Variants in SLC7A14 observed in about 807,000 individuals in gnomAD.
The protein encoded by SLC7A14 is gamma-aminobutyric acid transporter SLC7A14.
Under a neutral mutation model 60.2 loss-of-function variants are expected in SLC7A14, and 37 were observed. The ratio of observed to expected loss-of-function variants is 0.61; its 90% CI spans 0.47 to 0.81. SLC7A14 has a LOEUF of 0.81. SLC7A14 is among the 30% of genes least tolerant of loss of function. The pLI is 0.00. For synonymous variants in SLC7A14, 399 were observed against 395.8 expected, an observed-to-expected ratio of 1.01 and a Z score of -0.10; for missense variants, 886 against 982.7, an observed-to-expected ratio of 0.90 and a Z score of 1.32.
chr3:170,557,946 A>G (rs1485701647), intron 1 of SLC7A14, among the ~76,000 whole-genome samples: 1 of 152,212 alleles, frequency 6.6e-6, no homozygotes, highest in Admixed American at 6.5e-5. Context: ...AGGAGTTACT[A>G]TATTTAGGCT....
chr3:170,543,069 G>A (rs1714068211), intron 1 of SLC7A14, among the ~76,000 whole-genome samples: 1 of 152,112 alleles, frequency 6.6e-6, no homozygotes, highest in Non-Finnish European at 1.5e-5. Flanking sequence ...AGGGCTAGAT[G>A]GTTTATAAAC....
chr3:170,551,871 T>C (rs1714362989), intron 1 of SLC7A14, among the ~76,000 whole-genome samples: 1 of 152,226 alleles, frequency 6.6e-6, no homozygotes, highest in South Asian at 2.1e-4. Context: ...TCTTTTCACT[T>C]TCTTAAAGGT....
intron 1 of SLC7A14, among the ~76,000 whole-genome samples, chr3:170,557,489 A>C (rs984252859): frequency 2.0e-5 from 3 of 152,202 alleles, no homozygotes; most frequent in African/African-American, 7.2e-5. Context: ...TCCTGCCCTC[A>C]GGGATCTCAT....
At chr3:170,493,806 C>T (rs765655921) in intron 4 of SLC7A14, among the ~76,000 whole-genome samples, 5 of 152,218 alleles carry the variant, frequency 3.3e-5, no homozygotes, top group African/African-American at 7.2e-5. Context: ...AAATGTACTA[C>T]GTAGAAATCC....
At chr3:170,509,275 G>A (rs973997758) in intron 2 of SLC7A14, among the ~76,000 whole-genome samples, 1 of 152,156 alleles carries the variant, frequency 6.6e-6, no homozygotes, top group African/African-American at 2.4e-5. Flanking sequence ...GGCGCCAGGT[G>A]GACAGTAACC....
rs754609331 is a variant in SLC7A14 at position 170,480,534 on chromosome 3, A to G, written c.1748T>C (p.Ile583Thr). 5.0e-6 allele frequency: 8 copies of G among 1,614,116 alleles called. No individual in the cohort carries two copies. The highest frequency in any genetic ancestry group is 2.5e-6 in the Non-Finnish European group (3 of 1,180,044). Residue 583 changes from isoleucine to threonine, a missense_variant, in exon 7 of 8, where the codon ATC becomes ACC. Physicochemically the swap from Ile to Thr is moderately conservative, Grantham distance 89. Coordinates refer to ENST00000231706, the MANE Select transcript of SLC7A14 (RefSeq NM_020949.3). ...TGAGATGTAGTCAGAACCAAAGATGATGAAGGAGCAGAAGATGAACATGAG... is the reference window on the plus strand; with the variant it reads ...TGAGATGTAGTCAGAACCAAAGATGGTGAAGGAGCAGAAGATGAACATGAG... ...FILMFIFCSF[I>T]IFGSDYISEQ...
chr3:170,497,510 C>T (rs2078617), intron 4 of SLC7A14, among the ~76,000 whole-genome samples: 56,992 of 152,016 alleles, frequency 0.37, 12,521 homozygotes, highest in African/African-American at 0.63. Flanking sequence ...GAAAAACCAG[C>T]CTAAGCAAAA....
At chr3:170,553,795 A>G (rs1040609797) in intron 1 of SLC7A14, among the ~76,000 whole-genome samples, 49 of 152,204 alleles carry the variant, frequency 3.2e-4, no homozygotes, top group African/African-American at 1.2e-3. Context: ...AGAGTCAACC[A>G]TAAACACAAA....
chr3:170,558,797 A>T (rs1219479651), intron 1 of SLC7A14, among the ~76,000 whole-genome samples: 2 of 152,022 alleles, frequency 1.3e-5, no homozygotes, highest in Non-Finnish European at 2.9e-5. Flanking sequence ...CAATGACTGG[A>T]CTCTTTTGCT....
At chr3:170,533,359 T>G (rs906759331) in intron 1 of SLC7A14, among the ~76,000 whole-genome samples, 15 of 152,182 alleles carry the variant, frequency 9.9e-5, no homozygotes, top group African/African-American at 3.4e-4. Flanking sequence ...TCCCAGTAAC[T>G]CTCTTCTGTT....
chr3:170,475,536 T>C (rs1711584135), intron 7 of SLC7A14, among the ~76,000 whole-genome samples: 2 of 152,204 alleles, frequency 1.3e-5, no homozygotes, highest in African/African-American at 4.8e-5. Context: ...ATATTTTATA[T>C]ATGCAAAAAA....
chr3:170,563,660 A>C (rs1176191194), intron 1 of SLC7A14, among the ~76,000 whole-genome samples: 1 of 152,048 alleles, frequency 6.6e-6, no homozygotes, highest in Admixed American at 6.6e-5. Context: ...ACCTCAGGTG[A>C]TCCACCCACC....
chr3:170,532,647 C>A lies in SLC7A14; in HGVS notation c.-152-5559G>T, dbSNP rs1307211670. ...GCTGTGGGAGCGTTAGCTAGCATCA[C>A]CCTGCTGTGGCCCCTGACCAGGTGT... is the stretch of plus-strand genomic sequence containing the variant. On this transcript the variant is annotated intron_variant, in intron 1 of 7. Coordinates refer to ENST00000231706, the MANE Select transcript of SLC7A14 (RefSeq NM_020949.3). This position sits in a 1 kb window ranked among gnomAD's most constrained non-coding sequence, Gnocchi z 4.0. 6.6e-6 allele frequency among the ~76,000 whole-genome samples: 1 copy of A among 151,930 alleles called. No homozygotes were observed. Among genetic ancestry groups the A allele is most frequent in the African/African-American group, 2.4e-5 (1 of 41,324 alleles).
chr3:170,552,576 T>C (rs925758939), intron 1 of SLC7A14, among the ~76,000 whole-genome samples: 6 of 152,220 alleles, frequency 3.9e-5, no homozygotes, highest in Non-Finnish European at 7.3e-5. Context: ...GTGCTGCCCA[T>C]TGCAGTACAT....
Position 170,481,126 on chromosome 3 carries a change from C to G in SLC7A14, c.1156G>C (p.Val386Leu). The G allele has an allele frequency of 1.2e-6, 2 of 1,613,950 alleles. No homozygotes were observed. Among genetic ancestry groups the G allele is most frequent in the Non-Finnish European group, 1.7e-6 (2 of 1,179,972 alleles). The change falls in exon 7 of 8, where the codon GTG becomes CTG. Residue 386 changes from valine to leucine, a missense_variant. Val to Leu is a conservative substitution (Grantham distance 32). Coordinates refer to ENST00000231706, the MANE Select transcript of SLC7A14 (RefSeq NM_020949.3). ...AGGAACCCCGACACGATGCAGGCCA[C>G]CACTGGTGTCTCTGTGTAGGAGCTG... ...HVSSYTETPV[V>L]ACIVSGFLAA...
chr3:170,484,594 G>A (rs1054876549), intron 5 of SLC7A14, among the ~76,000 whole-genome samples: 3 of 152,178 alleles, frequency 2.0e-5, no homozygotes, highest in African/African-American at 7.2e-5. Context: ...GAAAGAGGGT[G>A]GTCACATGTA....
rs199706423 is a variant in SLC7A14, at chr3:170,573,982, T to C, written c.-153+11929A>G. Among the ~76,000 whole-genome samples the C allele has an allele frequency of 2.6e-5, 4 of 152,322 alleles. No individual in the cohort carries two copies. The East Asian group carries it at 7.7e-4, about 29-fold the overall frequency. ...GGCATCTAGCTAACAAATCAGTCTC[T>C]TGGGACCTGGGGAGCATGGCTAGAT... is the stretch of plus-strand genomic sequence containing the variant. On this transcript the variant is annotated intron_variant, in intron 1 of 7. Coordinates refer to ENST00000231706, the MANE Select transcript of SLC7A14 (RefSeq NM_020949.3).
At chr3:170,496,133 G>T in intron 4 of SLC7A14, 1 of 971,958 alleles carries the variant, frequency 1.0e-6, no homozygotes, top group Non-Finnish European at 1.7e-6. Context: ...AGATCCAGGA[G>T]CTGCAGTCCC....
In SLC7A14 at chr3:170,527,034, C is replaced by A. The variant is rs1713530717; in HGVS notation, c.-98G>T. On this transcript the variant is annotated 5_prime_UTR_variant, in exon 2 of 8. Transcript: ENST00000231706. ...AACTCATCTAGTGAACAGGGATCTC[C>A]CTTTTAGGAAAGGCCCAGAGGGACC... The A allele has an allele frequency of 7.4e-7, 1 of 1,355,120 alleles. No homozygotes were observed. Among genetic ancestry groups the A allele is most frequent in the Admixed American group, 2.4e-5 (1 of 41,268 alleles). 83.9% of individuals were successfully genotyped at this position (1,355,120 alleles called of 1,614,324 possible). A position where few individuals can be genotyped will look rare whatever the true frequency, so the allele number is the denominator to read the frequency against.
Sources: allele counts gnomAD v4.1 joint callset (sites outside exome capture counted in the v4.1 genomes callset), GRCh38; gene constraint gnomAD v4.1.1; non-coding constraint Gnocchi (gnomAD v3.1); transcripts MANE v1.5; gene names NCBI Gene and HGNC (gene_info 2026-07-23, HGNC 2026-07-21).